STAG1: variants seen among roughly 807,000 people sequenced by gnomAD.
STAG1 encodes STAG1 cohesin complex component, also known as cohesin subunit SA-1.
A neutral mutation model predicts 170.9 loss-of-function variants in STAG1; 26 were observed. That is an observed-to-expected ratio of 0.15 (90% CI 0.11 to 0.21). STAG1 has a LOEUF of 0.21. STAG1 is among the 10% of genes least tolerant of loss of function. The probability of loss-of-function intolerance (pLI) is 1.00; values close to 1 mark genes in which losing one functional copy is unlikely to be tolerated. For synonymous variants in STAG1, 514 were observed against 497.7 expected, an observed-to-expected ratio of 1.03 and a Z score of -0.44; for missense variants, 964 against 1,509.5, an observed-to-expected ratio of 0.64 and a Z score of 5.99.
At chr3:136,719,578 G>A (rs553809420) in intron 1 of STAG1, among the ~76,000 whole-genome samples, 1 of 148,134 alleles carries the variant, frequency 6.8e-6, no homozygotes, top group South Asian at 2.2e-4. Context: ...CCTCTGGGAT[G>A]ATAAGTGGGT....
At chr3:136,456,113 G>A (rs2089104939) in intron 13 of STAG1, among the ~76,000 whole-genome samples, 1 of 152,174 alleles carries the variant, frequency 6.6e-6, no homozygotes, top group Admixed American at 6.5e-5. Flanking sequence ...ATCAACTTAA[G>A]TCAGGGAAAT....
At chr3:136,569,137 G>A (rs1475732037) in intron 4 of STAG1, among the ~76,000 whole-genome samples, 2 of 151,932 alleles carry the variant, frequency 1.3e-5, no homozygotes, top group African/African-American at 4.8e-5. Context: ...TATTAAGCAA[G>A]TATAGATAAT....
chr3:136,516,370 T>C (rs886631146), intron 7 of STAG1, among the ~76,000 whole-genome samples: 15 of 152,044 alleles, frequency 9.9e-5, no homozygotes, highest in Non-Finnish European at 1.8e-4. Context: ...TAGCCGGATG[T>C]GGTGGCATGC....
At chr3:136,560,642 C>T (rs1559879299) in intron 5 of STAG1, among the ~76,000 whole-genome samples, 3 of 152,048 alleles carry the variant, frequency 2.0e-5, no homozygotes, top group Non-Finnish European at 2.9e-5. Flanking sequence ...CTGAGGTTTC[C>T]AATGGTAAAC....
intron 16 of STAG1, among the ~76,000 whole-genome samples, chr3:136,426,167 G>A (rs569454373): frequency 4.9e-4 from 75 of 151,968 alleles, no homozygotes; most frequent in Non-Finnish European, 3.2e-4. Flanking sequence ...CAGCACTTTG[G>A]GAGGCCGAGG....
intron 1 of STAG1, among the ~76,000 whole-genome samples, chr3:136,686,513 G>A (rs1007188901): frequency 2.0e-5 from 3 of 152,134 alleles, no homozygotes; most frequent in Admixed American, 6.6e-5. Flanking sequence ...ATTAGCAATC[G>A]CCTCGAACCG....
At chr3:136,392,528 A>G (rs988638538) in intron 22 of STAG1, among the ~76,000 whole-genome samples, 4 of 152,128 alleles carry the variant, frequency 2.6e-5, no homozygotes, top group African/African-American at 2.4e-5. Context: ...GCACTTCGGG[A>G]GGCTGAGGCA....
At chr3:136,725,667 C>A (rs964560341) in intron 1 of STAG1, among the ~76,000 whole-genome samples, 3 of 152,066 alleles carry the variant, frequency 2.0e-5, no homozygotes, top group Non-Finnish European at 2.9e-5. Context: ...CCACGCAATA[C>A]AAATAAAGGT....
intron 23 of STAG1, among the ~76,000 whole-genome samples, chr3:136,376,001 T>TAATTAACA (rs1553796040): frequency 1.4e-3 from 170 of 120,938 alleles, no homozygotes; most frequent in East Asian, 2.2e-3. Context: ...AATAAATAAA[T>TAATTAACA]AAATAAATAA....
At position 136,340,565 on chromosome 3, in the gene STAG1, C is replaced by T; in HGVS notation, c.3598G>A (p.Asp1200Asn). 1 of 1,614,064 alleles carries T rather than the reference C, an allele frequency of 6.2e-7. No homozygotes were observed. Among genetic ancestry groups the T allele is most frequent in the Non-Finnish European group, 8.5e-7 (1 of 1,179,910 alleles). The change falls in exon 32 of 34, where the codon GAT becomes AAT. Residue 1200 changes from aspartate to asparagine, a missense_variant. By Grantham distance (23) the Asp-to-Asn change is conservative (BLOSUM62 1). Around this residue, in one of 11 missense-constraint regions of STAG1, gnomAD observed 59 missense variants for 104.2 expected, o/e 0.57. Transcript: ENST00000383202. ...MEEDAEPIFE[D>N]VMMSSRSQLE... Reference sequence around the variant, plus strand: ...TGGCTTCGGGATGACATCATCACATCTTCAAAGATGGGCTCAGCATCTTCC... The same window carrying T: ...TGGCTTCGGGATGACATCATCACATTTTCAAAGATGGGCTCAGCATCTTCC...
intron 5 of STAG1, among the ~76,000 whole-genome samples, chr3:136,550,133 G>A (rs997598272): frequency 1.3e-5 from 2 of 152,030 alleles, no homozygotes; most frequent in Non-Finnish European, 2.9e-5. Flanking sequence ...TGGTATAAGA[G>A]TAATGCTGCC....
Position 136,478,195 on chromosome 3 carries a change from C to A in STAG1, c.903-783G>T, listed in dbSNP as rs1326194416. Among the ~76,000 whole-genome samples the A allele has an allele frequency of 3.3e-5, 5 of 152,282 alleles. No individual in the cohort carries two copies. In the South Asian group the frequency reaches 6.2e-4, roughly 19 times the overall value. ...CATCTGTAATAATATATTTTTTAGG[C>A]TGAGACGGAAGAATCCACCTCTAGT... On this transcript the variant is annotated intron_variant, in intron 9 of 33. Coordinates refer to ENST00000383202, the MANE Select transcript of STAG1 (RefSeq NM_005862.3).
At chr3:136,454,240 A>G (rs1021777194) in intron 13 of STAG1, among the ~76,000 whole-genome samples, 2 of 151,764 alleles carry the variant, frequency 1.3e-5, no homozygotes, top group Admixed American at 6.6e-5. Flanking sequence ...CACCATGCCC[A>G]GCTAATTTTT....
intron 1 of STAG1, among the ~76,000 whole-genome samples, chr3:136,691,832 A>G (rs980949001): frequency 6.6e-6 from 1 of 152,224 alleles, no homozygotes; most frequent in Non-Finnish European, 1.5e-5. Flanking sequence ...GATCATCTAC[A>G]TATCATAGTA....
chr3:136,581,969 A>G (rs1053585532), intron 4 of STAG1, among the ~76,000 whole-genome samples: 4 of 152,204 alleles, frequency 2.6e-5, no homozygotes, highest in African/African-American at 9.6e-5. Context: ...TCTTCCTTTT[A>G]AAGTTTTCTT....
chr3:136,452,917 G>A (rs988151218), intron 13 of STAG1, among the ~76,000 whole-genome samples: 1 of 152,064 alleles, frequency 6.6e-6, no homozygotes, highest in Non-Finnish European at 1.5e-5. Flanking sequence ...AGCCTTCCAA[G>A]TAGCTGAAAT....
intron 1 of STAG1, chr3:136,736,757 G>T (rs1473022993): frequency 7.5e-6 from 12 of 1,600,162 alleles, no homozygotes; most frequent in African/African-American, 1.3e-5. Flanking sequence ...GAGTTTCATT[G>T]TCTGTTTATA....
chr3:136,583,157 C>T (rs1937631273), intron 4 of STAG1, among the ~76,000 whole-genome samples: 1 of 152,128 alleles, frequency 6.6e-6, no homozygotes, highest in Non-Finnish European at 1.5e-5. Flanking sequence ...ATTTAATACA[C>T]AATTTAAAAG....
intron 1 of STAG1, among the ~76,000 whole-genome samples, chr3:136,730,171 G>C (rs1323586006): frequency 6.6e-6 from 1 of 151,862 alleles, no homozygotes; most frequent in Non-Finnish European, 1.5e-5. Flanking sequence ...TGGGACTACA[G>C]GCCCACACCA....
Sources: allele counts gnomAD v4.1 joint callset (sites outside exome capture counted in the v4.1 genomes callset), GRCh38; gene constraint gnomAD v4.1.1; regional missense constraint gnomAD v4.1.1; transcripts MANE v1.5; gene names NCBI Gene and HGNC (gene_info 2026-07-23, HGNC 2026-07-21).